The following ERC2 variants were observed in gnomAD, a reference collection of about 807,000 sequenced individuals.
ERC2 encodes ELKS/RAB6-interacting/CAST family member 2.
Under a neutral mutation model 114.8 loss-of-function variants are expected in ERC2, and 42 were observed. That is an observed-to-expected ratio of 0.37 (90% CI 0.29 to 0.47). ERC2 has a LOEUF of 0.47. Ranked by LOEUF, ERC2 falls within the 20% of genes least tolerant of loss-of-function variation. ERC2 has a pLI of 0.99. For synonymous variants in ERC2, 454 were observed against 425.5 expected, an observed-to-expected ratio of 1.07 and a Z score of -0.82; for missense variants, 939 against 1,150.7, an observed-to-expected ratio of 0.82 and a Z score of 2.66.
chr3:55,967,836 G>A (rs1297380202), intron 12 of ERC2, among the ~76,000 whole-genome samples: 2 of 152,162 alleles, frequency 1.3e-5, no homozygotes, highest in South Asian at 2.1e-4. Context: ...CACCGTTTCT[G>A]TTGTACTCTC....
At chr3:55,659,906 G>A (rs759756808) in intron 17 of ERC2, among the ~76,000 whole-genome samples, 1 of 151,758 alleles carries the variant, frequency 6.6e-6, no homozygotes, top group African/African-American at 2.4e-5. Flanking sequence ...TCGGTATGGC[G>A]TCTCTCCCAT....
intron 3 of ERC2, among the ~76,000 whole-genome samples, chr3:56,175,732 C>G (rs747872035): frequency 6.6e-6 from 1 of 152,118 alleles, no homozygotes; most frequent in Non-Finnish European, 1.5e-5. Flanking sequence ...AATAGCACCC[C>G]CATTGTATGG....
At chr3:55,807,637 G>T (rs746845353) in intron 14 of ERC2, among the ~76,000 whole-genome samples, 1 of 152,110 alleles carries the variant, frequency 6.6e-6, no homozygotes, top group Non-Finnish European at 1.5e-5. Flanking sequence ...TTGGCCAGCC[G>T]CAGTTTTCTA....
rs865926702 is a variant in ERC2 at position 56,344,419 on chromosome 3, T to C, written c.658-47984A>G. 6.6e-5 allele frequency among the ~76,000 whole-genome samples: 10 copies of C among 152,262 alleles called. No individual in the cohort carries two copies. In the South Asian group the frequency reaches 1.2e-3, roughly 19 times the overall value. The stretch of plus-strand genomic sequence containing the variant: ...GTCTGTTGAGCACAAAGCTCACAAT[T>C]ACTGTAACGAAGTGCCCTCAGGTCT... On this transcript the variant is annotated intron_variant, in intron 2 of 17. Coordinates refer to ENST00000288221, the MANE Select transcript of ERC2 (RefSeq NM_015576.3).
At position 56,049,818 on chromosome 3, in the gene ERC2, A is replaced by ATGTGTG. The variant is rs3052672; in HGVS notation, c.1642-30793_1642-30788dup. On this transcript the variant is annotated intron_variant, in intron 7 of 17. Coordinates refer to ENST00000288221, the MANE Select transcript of ERC2 (RefSeq NM_015576.3). ...GCTACTTAATAAACTCCCATCATATATGTGTGTGTGTGTGTGTGTGTGTGT... is the reference window on the plus strand; with the variant it reads ...GCTACTTAATAAACTCCCATCATATATGTGTGTGTGTGTGTGTGTGTGTGTGTGTGT... Among the ~76,000 whole-genome samples the ATGTGTG allele has an allele frequency of 1.9e-3, 274 of 145,308 alleles. 1 individual carries two copies. The highest frequency in any genetic ancestry group is 6.3e-3 in the African/African-American group (244 of 38,916).
rs71099628 is a variant in ERC2 at position 56,252,757 on chromosome 3, C to CAAAAAAAAAAAAAAAA, written c.1074+43246_1074+43261dup. On this transcript the variant is annotated intron_variant, in intron 3 of 17. Coordinates refer to ENST00000288221, the MANE Select transcript of ERC2 (RefSeq NM_015576.3). ...GGGCAACAAGAGCAAAACTCTGTCTCAAAAAAAAAAAAAAAAAAAGACATG... is the reference window on the plus strand; with the variant it reads ...GGGCAACAAGAGCAAAACTCTGTCTCAAAAAAAAAAAAAAAAAAAAAAAAAAAAAAAAAAAGACATG... 1.2e-3 allele frequency among the ~76,000 whole-genome samples: 89 copies of CAAAAAAAAAAAAAAAA among 74,138 alleles called. 2 individuals are homozygous for CAAAAAAAAAAAAAAAA. Among genetic ancestry groups the CAAAAAAAAAAAAAAAA allele is most frequent in the African/African-American group, 4.8e-3 (84 of 17,456 alleles). 48.6% of individuals were successfully genotyped at this position (74,138 alleles called of 152,430 possible).
intron 10 of ERC2, among the ~76,000 whole-genome samples, chr3:55,997,592 T>C (rs920895115): frequency 4.7e-5 from 7 of 149,140 alleles, no homozygotes; most frequent in Non-Finnish European, 8.9e-5. Flanking sequence ...TGATGAAACA[T>C]ACATATTATT....
At chr3:56,027,304 G>A (rs376388079) in intron 7 of ERC2, among the ~76,000 whole-genome samples, 1 of 152,126 alleles carries the variant, frequency 6.6e-6, no homozygotes, top group Non-Finnish European at 1.5e-5. Flanking sequence ...TTTCGGTGAC[G>A]TAAGTTTTCA....
intron 4 of ERC2, among the ~76,000 whole-genome samples, chr3:56,167,817 G>A (rs1036979886): frequency 6.6e-6 from 1 of 152,158 alleles, no homozygotes; most frequent in African/African-American, 2.4e-5. Context: ...GGGAGAAACA[G>A]GGCATATGTT....
At chr3:56,240,985 C>T (rs1328474171) in intron 3 of ERC2, among the ~76,000 whole-genome samples, 1 of 152,132 alleles carries the variant, frequency 6.6e-6, no homozygotes, top group African/African-American at 2.4e-5. Flanking sequence ...TCCTCTCCCC[C>T]ATTTTGGAGT....
At chr3:56,370,772 T>G (rs1306331117) in intron 2 of ERC2, among the ~76,000 whole-genome samples, 1 of 151,988 alleles carries the variant, frequency 6.6e-6, no homozygotes, top group Non-Finnish European at 1.5e-5. Flanking sequence ...TTTTTGTATG[T>G]TTAGTAGAGA....
intron 2 of ERC2, among the ~76,000 whole-genome samples, chr3:56,314,729 T>C (rs2150405622): frequency 1.3e-5 from 2 of 152,292 alleles, no homozygotes; most frequent in Middle Eastern, 6.8e-3. Context: ...TGAACACTAG[T>C]GATGGCACAG....
chr3:56,124,507 A>G (rs1303576193), intron 6 of ERC2, among the ~76,000 whole-genome samples: 1 of 152,240 alleles, frequency 6.6e-6, no homozygotes, highest in Non-Finnish European at 1.5e-5. Context: ...CTGGGTTCTG[A>G]AAAATTCCCA....
At chr3:55,661,701 A>G (rs543725974) in intron 17 of ERC2, among the ~76,000 whole-genome samples, 1 of 152,328 alleles carries the variant, frequency 6.6e-6, no homozygotes, top group South Asian at 2.1e-4. Flanking sequence ...GATTCTGCCT[A>G]TCACATCTTA....
chr3:55,851,007 T>C (rs544113383), intron 14 of ERC2, among the ~76,000 whole-genome samples: 1 of 152,114 alleles, frequency 6.6e-6, no homozygotes, highest in East Asian at 1.9e-4. Context: ...AGAGCAAGAC[T>C]GGATCCCATC....
chr3:56,298,635 T>C (rs563446720), intron 2 of ERC2, among the ~76,000 whole-genome samples: 9 of 151,104 alleles, frequency 6.0e-5, no homozygotes, highest in Non-Finnish European at 8.8e-5. Flanking sequence ...ATTGTATGAT[T>C]CCACTAATAG....
At chr3:56,155,845 T>C (rs2081687009) in intron 4 of ERC2, among the ~76,000 whole-genome samples, 1 of 152,132 alleles carries the variant, frequency 6.6e-6, no homozygotes, top group Non-Finnish European at 1.5e-5. Context: ...ACAGAATGAA[T>C]ACAGAGCATG....
intron 17 of ERC2, among the ~76,000 whole-genome samples, chr3:55,579,982 G>A (rs751020112): frequency 4.6e-5 from 7 of 152,134 alleles, no homozygotes; most frequent in East Asian, 1.9e-4. Flanking sequence ...ATATCTCCAC[G>A]GCAGTGGTGA....
rs527284212 is a variant in ERC2 at position 55,840,365 on chromosome 3, C to T, written c.2564+48024G>A. Among the ~76,000 whole-genome samples, 5 of 151,924 alleles carry T rather than the reference C, an allele frequency of 3.3e-5. No individual in the cohort carries two copies. In the East Asian group the frequency reaches 9.8e-4, roughly 30 times the overall value. On this transcript the variant is annotated intron_variant, in intron 14 of 17. Coordinates refer to ENST00000288221, the MANE Select transcript of ERC2 (RefSeq NM_015576.3). Reference sequence around the variant, plus strand: ...ATCTAACACAGGTGACAATTAGGCACATGAAAAAATGTTCAAGTTCATTAG... The same window carrying T: ...ATCTAACACAGGTGACAATTAGGCATATGAAAAAATGTTCAAGTTCATTAG...
Sources: allele counts gnomAD v4.1 joint callset (sites outside exome capture counted in the v4.1 genomes callset), GRCh38; gene constraint gnomAD v4.1.1; transcripts MANE v1.5; gene names NCBI Gene and HGNC (gene_info 2026-07-23, HGNC 2026-07-21).